The following MACROD2 variants were observed in gnomAD, a reference collection of about 807,000 sequenced individuals.
MACROD2 encodes ADP-ribose glycohydrolase MACROD2.
A neutral mutation model predicts 70.4 loss-of-function variants in MACROD2; 36 were observed. The observed-to-expected ratio is 0.51, with a 90% CI of 0.39 to 0.68. The LOEUF is 0.68. MACROD2 is among the 30% of genes least tolerant of loss of function. MACROD2 has a pLI of 0.00. For synonymous variants in MACROD2, 172 were observed against 178.8 expected (o/e 0.96, Z 0.30); for missense variants, 496 against 538.4 (o/e 0.92, Z 0.78).
chr20:15,012,942 G>A (rs566656919), intron 5 of MACROD2, among the ~76,000 whole-genome samples: 8 of 152,322 alleles, frequency 5.3e-5, no homozygotes, highest in Admixed American at 4.6e-4. Flanking sequence ...CACGGCTTAA[G>A]TACTTGCCAT....
intron 5 of MACROD2, among the ~76,000 whole-genome samples, chr20:15,207,604 G>T (rs566606927): frequency 6.6e-6 from 1 of 151,654 alleles, no homozygotes; most frequent in East Asian, 1.9e-4. Context: ...CACCACGCCT[G>T]GCTAATTTTT....
intron 3 of MACROD2, among the ~76,000 whole-genome samples, chr20:14,193,542 G>T (rs2081405415): frequency 6.6e-6 from 1 of 152,094 alleles, no homozygotes; most frequent in Admixed American, 6.6e-5. Flanking sequence ...GAGCCTCCTA[G>T]AGACCAGTAT....
At chr20:15,139,922 C>T (rs192425239) in intron 5 of MACROD2, among the ~76,000 whole-genome samples, 75 of 152,244 alleles carry the variant, frequency 4.9e-4, no homozygotes, top group African/African-American at 1.6e-3. Flanking sequence ...AGAGAGACTG[C>T]GATGCAGTTC....
At chr20:14,039,805 G>A (rs903510452) in intron 2 of MACROD2, among the ~76,000 whole-genome samples, 1 of 144,998 alleles carries the variant, frequency 6.9e-6, no homozygotes, top group South Asian at 2.2e-4. Context: ...TTTGCCATCT[G>A]TTTTTTTTTT....
chr20:14,837,649 T>G (rs956527304), intron 5 of MACROD2, among the ~76,000 whole-genome samples: 3 of 152,052 alleles, frequency 2.0e-5, no homozygotes, highest in South Asian at 4.1e-4. Flanking sequence ...TTAATGATAT[T>G]GACCAGTCAA....
chr20:14,910,018 A>G (rs2074007346), intron 5 of MACROD2, among the ~76,000 whole-genome samples: 1 of 152,184 alleles, frequency 6.6e-6, no homozygotes, highest in African/African-American at 2.4e-5. Flanking sequence ...TATCTTGCTA[A>G]TGATACTCAC....
At chr20:14,132,118 G>A (rs1351328170) in intron 3 of MACROD2, among the ~76,000 whole-genome samples, 7 of 125,056 alleles carry the variant, frequency 5.6e-5, no homozygotes, top group African/African-American at 8.7e-5. Flanking sequence ...GTGACAGAGC[G>A]AGACTCTATC....
chr20:15,059,317 G>A (rs2075513047), intron 5 of MACROD2, among the ~76,000 whole-genome samples: 1 of 151,198 alleles, frequency 6.6e-6, no homozygotes, highest in South Asian at 2.1e-4. Flanking sequence ...CCCAGGAGGT[G>A]GAGGCTGCAG....
chr20:16,045,487 T>G (rs997895112), intron 17 of MACROD2, among the ~76,000 whole-genome samples: 6 of 151,954 alleles, frequency 3.9e-5, no homozygotes, highest in Admixed American at 6.6e-5. Context: ...CACCCTAAAT[T>G]TATAGAATTT....
chr20:15,189,786 G>A (rs75932736), intron 5 of MACROD2, among the ~76,000 whole-genome samples: 1 of 152,222 alleles, frequency 6.6e-6, no homozygotes, highest in East Asian at 1.9e-4. Context: ...TATAATAAAT[G>A]AGAAAGATGG....
chr20:15,984,273 C>T (rs951524843), intron 13 of MACROD2, among the ~76,000 whole-genome samples: 41 of 152,024 alleles, frequency 2.7e-4, no homozygotes, highest in South Asian at 6.2e-4. Context: ...TTACAATTAA[C>T]GTTTTAAAAC....
intron 8 of MACROD2, among the ~76,000 whole-genome samples, chr20:15,755,625 T>C (rs1263190650): frequency 6.6e-6 from 1 of 152,168 alleles, no homozygotes; most frequent in African/African-American, 2.4e-5. Flanking sequence ...TCAAACAATA[T>C]TGTACAATGA....
rs144712242 is a variant in MACROD2, at chr20:15,393,819, G to GCT, written c.541-37575_541-37574dup. Among the ~76,000 whole-genome samples, 1,477 of 151,922 alleles carry GCT rather than the reference G, an allele frequency of 9.7e-3. 34 individuals are homozygous for GCT. The highest frequency in any genetic ancestry group is 0.033 in the African/African-American group (1,361 of 41,442). On this transcript the variant is annotated intron_variant, in intron 6 of 17. Coordinates refer to ENST00000684519, the MANE Select transcript of MACROD2 (RefSeq NM_001351661.2). ...ACAAGGTAAGCCTGCCTTCTTGATT[G>GCT]CTCTCTCTCTCTGAGCATTGGCTAT...
intron 4 of MACROD2, among the ~76,000 whole-genome samples, chr20:14,533,553 G>C (rs184581065): frequency 5.8e-4 from 89 of 152,144 alleles, no homozygotes; most frequent in African/African-American, 2.0e-3. Flanking sequence ...AAAAGAAAAA[G>C]AGGATGAAAA....
intron 8 of MACROD2, among the ~76,000 whole-genome samples, chr20:15,516,549 G>A (rs1215417675): frequency 1.3e-5 from 2 of 152,168 alleles, no homozygotes; most frequent in East Asian, 3.9e-4. Context: ...GGCAGTGCGG[G>A]TGCTGGGCAG....
intron 2 of MACROD2, among the ~76,000 whole-genome samples, chr20:14,059,161 T>G (rs184880801): frequency 3.3e-4 from 50 of 152,352 alleles, no homozygotes; most frequent in African/African-American, 1.1e-3. Flanking sequence ...GTGAAACAAT[T>G]TAACTTCTCC....
chr20:15,744,251 G>T (rs890703735), intron 8 of MACROD2, among the ~76,000 whole-genome samples: 2 of 152,156 alleles, frequency 1.3e-5, no homozygotes, highest in African/African-American at 4.8e-5. Context: ...ATGCTGAATT[G>T]ATTAGTAAAT....
intron 2 of MACROD2, among the ~76,000 whole-genome samples, chr20:14,043,669 G>A (rs1423749650): frequency 6.6e-6 from 1 of 152,226 alleles, no homozygotes; most frequent in East Asian, 1.9e-4. Flanking sequence ...CAGGGTATGG[G>A]AGAACCTCTT....
At chr20:15,355,983 C>T (rs943040592) in intron 6 of MACROD2, among the ~76,000 whole-genome samples, 2 of 152,206 alleles carry the variant, frequency 1.3e-5, no homozygotes, top group African/African-American at 4.8e-5. Flanking sequence ...TTTACAAGCA[C>T]TGGTGTTCTC....
Sources: allele counts gnomAD v4.1 joint callset (sites outside exome capture counted in the v4.1 genomes callset), GRCh38; gene constraint gnomAD v4.1.1; transcripts MANE v1.5; gene names NCBI Gene and HGNC (gene_info 2026-07-23, HGNC 2026-07-21).